Variants in CC2D2B observed in about 807,000 individuals in gnomAD.
CC2D2B encodes coiled-coil and C2 domain containing 2B, also known as protein CC2D2B.
CC2D2B carries 128 observed loss-of-function variants against 161.2 expected under a neutral mutation model. The observed-to-expected ratio is 0.79, with a 90% CI of 0.69 to 0.92. The LOEUF (loss-of-function observed/expected upper bound fraction) is 0.92. CC2D2B is among the 40% of genes least tolerant of loss of function. The pLI is 0.00. For synonymous variants in CC2D2B, 391 were observed against 449.8 expected (o/e 0.87, Z 1.65); for missense variants, 1,173 against 1,375.1 (o/e 0.85, Z 2.32).
intron 19 of CC2D2B, among the ~76,000 whole-genome samples, chr10:95,986,201 G>A (rs905328306): frequency 6.0e-5 from 9 of 149,716 alleles, no homozygotes; most frequent in Admixed American, 2.0e-4. Flanking sequence ...TTTACGGCTC[G>A]GGGGGCATCA....
chr10:95,999,145 A>G (rs971563853), intron 24 of CC2D2B, among the ~76,000 whole-genome samples: 1 of 152,228 alleles, frequency 6.6e-6, no homozygotes, highest in Admixed American at 6.5e-5. Flanking sequence ...TGTTTGACCA[A>G]ATATCTAGAA....
intron 6 of CC2D2B, among the ~76,000 whole-genome samples, chr10:95,928,280 A>G (rs531034863): frequency 1.3e-5 from 2 of 152,300 alleles, no homozygotes; most frequent in East Asian, 1.9e-4. Flanking sequence ...CATACACAGT[A>G]TAAAAACGTA....
chr10:95,994,932 C>T (rs1564651225), intron 22 of CC2D2B, among the ~76,000 whole-genome samples: 1 of 152,152 alleles, frequency 6.6e-6, no homozygotes, highest in Non-Finnish European at 1.5e-5. Flanking sequence ...TCTCTTGCCT[C>T]GGCACCTGGG....
intron 6 of CC2D2B, among the ~76,000 whole-genome samples, chr10:95,933,323 G>C (rs1290469030): frequency 7.2e-5 from 11 of 151,918 alleles, no homozygotes; most frequent in Admixed American, 7.2e-4. Flanking sequence ...CATTAGGTTA[G>C]AACATGCTCT....
chr10:96,006,224 C>G (rs909726178), intron 25 of CC2D2B, among the ~76,000 whole-genome samples: 1 of 151,128 alleles, frequency 6.6e-6, no homozygotes, highest in Non-Finnish European at 1.5e-5. Flanking sequence ...TGATCTCTTG[C>G]CTTCTCATGA....
At chr10:96,026,974 T>A (rs548581583) in intron 33 of CC2D2B, among the ~76,000 whole-genome samples, 6 of 152,170 alleles carry the variant, frequency 3.9e-5, no homozygotes, top group Non-Finnish European at 8.8e-5. Flanking sequence ...AATACAAAAA[T>A]TAGCCACGTG....
At chr10:95,909,955 T>C (rs938853835) in intron 1 of CC2D2B, among the ~76,000 whole-genome samples, 2 of 152,172 alleles carry the variant, frequency 1.3e-5, no homozygotes, top group African/African-American at 4.8e-5. Flanking sequence ...GAGACCAGCC[T>C]GAGCAACACA....
At chr10:96,018,227 T>G (rs1247026330) in intron 30 of CC2D2B, among the ~76,000 whole-genome samples, 1 of 152,198 alleles carries the variant, frequency 6.6e-6, no homozygotes, top group African/African-American at 2.4e-5. Context: ...ACCTAAAAAT[T>G]TTTATTCTTT....
intron 30 of CC2D2B, 189 bp from the exon 31 acceptor site, chr10:96,019,014 C>T (rs972054622): frequency 9.6e-5 from 47 of 488,626 alleles, no homozygotes; most frequent in Non-Finnish European, 1.5e-4. Flanking sequence ...CTTATGTTGC[C>T]CAGGCTGGTC....
At chr10:95,941,806 TA>T (rs2076032168) in intron 9 of CC2D2B, among the ~76,000 whole-genome samples, 1 of 152,256 alleles carries the variant, frequency 6.6e-6, no homozygotes, top group African/African-American at 2.4e-5. Flanking sequence ...AAATTTAAAA[TA>T]GAACCGTAAT....
chr10:95,917,938 G>A (rs2098519658), intron 2 of CC2D2B, among the ~76,000 whole-genome samples: 1 of 151,954 alleles, frequency 6.6e-6, no homozygotes, highest in Admixed American at 6.6e-5. Flanking sequence ...ACCACACCTG[G>A]CTAATTTTTG....
chr10:96,019,092 C>T lies in CC2D2B; in HGVS notation c.3631-111C>T, dbSNP rs530738473. 22 of 855,158 alleles carry T rather than the reference C, an allele frequency of 2.6e-5. No individual in the cohort carries two copies. In the South Asian group the frequency reaches 4.2e-4, roughly 16 times the overall value. 53.0% of individuals were successfully genotyped at this position (855,158 alleles called of 1,614,324 possible). ...AAAGAGCCGGGATTACAGGTATAAGCCACCACACTCCACTAAAAAAGGCTT... is the reference window on the plus strand; with the variant it reads ...AAAGAGCCGGGATTACAGGTATAAGTCACCACACTCCACTAAAAAAGGCTT... On this transcript the variant is annotated intron_variant, in intron 30 of 34. Coordinates refer to ENST00000646931, the MANE Select transcript of CC2D2B (RefSeq NM_001349008.3).
At chr10:95,910,278 GC>G (rs1324936389) in intron 1 of CC2D2B, among the ~76,000 whole-genome samples, 1 of 152,192 alleles carries the variant, frequency 6.6e-6, no homozygotes, top group Non-Finnish European at 1.5e-5. Context: ...GGCCATTCTT[GC>G]GTTGCAATAG....
chr10:96,027,432 ATGT>A (rs756781401), intron 34 of CC2D2B, 43 bp downstream of exon 34: 3 of 1,358,482 alleles, frequency 2.2e-6, no homozygotes, highest in East Asian at 5.1e-5. Flanking sequence ...TGTTTTATAT[ATGT>A]TGTTAATTGC....
At chr10:95,994,665 T>C (rs940296808) in intron 22 of CC2D2B, among the ~76,000 whole-genome samples, 11 of 152,342 alleles carry the variant, frequency 7.2e-5, no homozygotes, top group African/African-American at 1.9e-4. Context: ...GCGGCCCTTA[T>C]GCGGGTGTGA....
chr10:96,018,258 CA>C lies in CC2D2B; in HGVS notation c.3631-940del, dbSNP rs1428499147. Among the ~76,000 whole-genome samples the C allele has an allele frequency of 4.6e-5, 7 of 152,296 alleles. No homozygotes were observed. The East Asian group carries it at 1.3e-3, about 29-fold the overall frequency. On this transcript the variant is annotated intron_variant, in intron 30 of 34. Coordinates refer to ENST00000646931, the MANE Select transcript of CC2D2B (RefSeq NM_001349008.3). ...TCTTTGGTAGGATAGGCTTACACTACAAAAAGTCTTATCTTTCAGAGCAAAA... is the reference window on the plus strand; with the variant it reads ...TCTTTGGTAGGATAGGCTTACACTACAAAAGTCTTATCTTTCAGAGCAAAA...
intron 6 of CC2D2B, among the ~76,000 whole-genome samples, chr10:95,935,983 A>G (rs1209519522): frequency 1.3e-5 from 2 of 152,222 alleles, no homozygotes; most frequent in African/African-American, 4.8e-5. Context: ...AATGGGTATC[A>G]AACTTTCCTA....
chr10:96,002,882 T>C (rs1010393764), intron 24 of CC2D2B, among the ~76,000 whole-genome samples: 5 of 151,844 alleles, frequency 3.3e-5, no homozygotes, highest in African/African-American at 1.2e-4. Context: ...CTTTGGAGTT[T>C]GTTAGAACCG....
intron 6 of CC2D2B, among the ~76,000 whole-genome samples, chr10:95,927,991 C>A (rs1590381250): frequency 6.6e-6 from 1 of 152,116 alleles, no homozygotes; most frequent in Non-Finnish European, 1.5e-5. Context: ...TGTGTACCTT[C>A]CAGTCTCCCT....
Sources: allele counts gnomAD v4.1 joint callset (sites outside exome capture counted in the v4.1 genomes callset), GRCh38; gene constraint gnomAD v4.1.1; transcripts MANE v1.5; gene names NCBI Gene and HGNC (gene_info 2026-07-23, HGNC 2026-07-21).